SUSD1: variants seen among roughly 807,000 people sequenced by gnomAD.
SUSD1 encodes the protein sushi domain containing 1, also known as sushi domain-containing protein 1.
A neutral mutation model predicts 86.9 loss-of-function variants in SUSD1; 65 were observed. The ratio of observed to expected loss-of-function variants is 0.75; its 90% CI spans 0.61 to 0.92. SUSD1 has a LOEUF of 0.92. Ranked by LOEUF, SUSD1 falls within the 40% of genes least tolerant of loss-of-function variation. SUSD1 has a pLI of 0.00. For synonymous variants in SUSD1, 346 were observed against 350.0 expected, an observed-to-expected ratio of 0.99 and a Z score of 0.13; for missense variants, 850 against 929.7, an observed-to-expected ratio of 0.91 and a Z score of 1.11.
At chr9:112,170,757 T>A (rs1385082101) in intron 1 of SUSD1, among the ~76,000 whole-genome samples, 2 of 149,966 alleles carry the variant, frequency 1.3e-5, no homozygotes, top group African/African-American at 5.0e-5. Flanking sequence ...TCACCTAGGC[T>A]GGAGTGCAGT....
At chr9:112,167,218 T>A (rs1237626326) in intron 1 of SUSD1, among the ~76,000 whole-genome samples, 2 of 152,030 alleles carry the variant, frequency 1.3e-5, no homozygotes, top group African/African-American at 4.8e-5. Flanking sequence ...CACCTCAGCC[T>A]CCCAAGTAGC....
At chr9:112,163,414 A>G (rs995607168) in intron 1 of SUSD1, among the ~76,000 whole-genome samples, 10 of 150,348 alleles carry the variant, frequency 6.7e-5, no homozygotes, top group African/African-American at 2.5e-4. Context: ...TAATCCTCCT[A>G]CCTCAGCCTA....
chr9:112,114,686 T>C (rs906592504), intron 6 of SUSD1, among the ~76,000 whole-genome samples: 1 of 152,114 alleles, frequency 6.6e-6, no homozygotes, highest in Non-Finnish European at 1.5e-5. Context: ...CTGGATGGGT[T>C]TTGACAACAT....
rs1589769388 is a variant in SUSD1, at chr9:112,175,295, G to A, written c.-60C>T. On this transcript the variant is annotated 5_prime_UTR_variant, in exon 1 of 17. Transcript: ENST00000374270. The surrounding 1 kb of genome is among the most constrained non-coding windows in gnomAD (Gnocchi z 4.7). ...CCTCCCGGGGCCCTCAGGGTGCAGA[G>A]ATAAGGCTACAGGCGCCGCGGGGAG... 2 of 1,116,732 alleles carry A rather than the reference G, an allele frequency of 1.8e-6. No homozygotes were observed. Among genetic ancestry groups the A allele is most frequent in the South Asian group, 4.4e-5 (1 of 22,822 alleles). 69.2% of individuals were successfully genotyped at this position (1,116,732 alleles called of 1,614,324 possible). A position where few individuals can be genotyped will look rare whatever the true frequency, so the allele number is the denominator to read the frequency against.
intron 5 of SUSD1, among the ~76,000 whole-genome samples, chr9:112,138,266 C>CAT (rs144187888): frequency 0.02 from 1,245 of 62,780 alleles, 92 homozygotes; most frequent in African/African-American, 0.08. Flanking sequence ...TGTGTATATA[C>CAT]ATATATATAT....
Position 112,112,800 on chromosome 9 carries a change from T to C in SUSD1, c.955A>G (p.Arg319Gly), listed in dbSNP as rs536597558. The stretch of plus-strand genomic sequence containing the variant: ...TATGAGATCTTGGGGTTTATTCTTC[T>C]TGAGTTTATTTGCCATCTCACACAG... ...DTCVRWQINSRRINPKISYVI... is the reference protein window; with the variant it reads ...DTCVRWQINSGRINPKISYVI... Residue 319 changes from arginine to glycine, a missense_variant, in exon 7 of 17, where the codon AGA becomes GGA. Physicochemically the swap from Arg to Gly is moderately radical, Grantham distance 125 (BLOSUM62 -2). Coordinates refer to ENST00000374270, the MANE Select transcript of SUSD1 (RefSeq NM_022486.5). The C allele has an allele frequency of 1.5e-5, 24 of 1,613,194 alleles. No homozygotes were observed. The highest frequency in any genetic ancestry group is 1.4e-5 in the Non-Finnish European group (17 of 1,179,098).
At chr9:112,046,308 T>C (rs1299898512) in intron 15 of SUSD1, among the ~76,000 whole-genome samples, 1 of 152,224 alleles carries the variant, frequency 6.6e-6, no homozygotes, top group African/African-American at 2.4e-5. Flanking sequence ...CTTTCCATGG[T>C]CTCATGCCAG....
Position 112,072,369 on chromosome 9 carries a change from G to T in SUSD1, c.1753+6169C>A, listed in dbSNP as rs115655240. Among the ~76,000 whole-genome samples the T allele has an allele frequency of 4.0e-3, 602 of 151,784 alleles. 7 individuals carry two copies. The highest frequency in any genetic ancestry group is 0.014 in the African/African-American group (590 of 41,402). On this transcript the variant is annotated intron_variant, in intron 12 of 16. Transcript: ENST00000374270. ...TCACCATGTTGGCCAGGCTGGTCTCGAACTCACCCACCTCAGCTTCCAAAA... is the reference window on the plus strand; with the variant it reads ...TCACCATGTTGGCCAGGCTGGTCTCTAACTCACCCACCTCAGCTTCCAAAA...
chr9:112,105,300 A>C (rs191645949), intron 8 of SUSD1, among the ~76,000 whole-genome samples: 1 of 152,216 alleles, frequency 6.6e-6, no homozygotes, highest in African/African-American at 2.4e-5. Context: ...GTGGACGAAC[A>C]AGCAATTCCA....
chr9:112,041,731 G>A, intron 16 of SUSD1, 136 bp downstream of exon 16: 2 of 802,362 alleles, frequency 2.5e-6, no homozygotes. Context: ...TTTCACCGCT[G>A]AGTGTGCTCT....
chr9:112,147,631 T>A (rs1339871946), intron 3 of SUSD1, among the ~76,000 whole-genome samples: 1 of 152,014 alleles, frequency 6.6e-6, no homozygotes, highest in African/African-American at 2.4e-5. Flanking sequence ...TAGCCAGTCG[T>A]GGCAGTGCGC....
chr9:112,115,639 T>A (rs1324022146), intron 6 of SUSD1, among the ~76,000 whole-genome samples: 1 of 151,504 alleles, frequency 6.6e-6, no homozygotes, highest in East Asian at 1.9e-4. Context: ...AAACCGCATC[T>A]CTACTAAAAA....
intron 1 of SUSD1, among the ~76,000 whole-genome samples, chr9:112,170,856 C>T (rs1834017524): frequency 6.6e-6 from 1 of 151,894 alleles, no homozygotes; most frequent in African/African-American, 2.4e-5. Flanking sequence ...ATTACAAGCG[C>T]CCACCACCAG....
At chr9:112,164,897 T>C (rs1196562869) in intron 1 of SUSD1, among the ~76,000 whole-genome samples, 3 of 152,118 alleles carry the variant, frequency 2.0e-5, no homozygotes, top group Non-Finnish European at 4.4e-5. Context: ...TGAGCCGAGA[T>C]TGCACCACTG....
chr9:112,129,119 G>A (rs1831906610), intron 5 of SUSD1, among the ~76,000 whole-genome samples: 1 of 152,128 alleles, frequency 6.6e-6, no homozygotes, highest in South Asian at 2.1e-4. Flanking sequence ...GAGATGATAG[G>A]GTCTTGGATG....
intron 6 of SUSD1, among the ~76,000 whole-genome samples, chr9:112,115,824 G>GAAAAAAAAAAAAAA (rs58111856): frequency 1.7e-5 from 2 of 120,950 alleles, no homozygotes; most frequent in Non-Finnish European, 3.2e-5. Flanking sequence ...AAAAAAAAAA[G>GAAAAAAAAAAAAAA]AAAAAAAAAA....
At position 112,175,143 on chromosome 9, in the gene SUSD1, C is replaced by A. The variant is rs1834222770; in HGVS notation, c.93G>T (p.Pro31=). Residue 31 remains proline, a synonymous_variant, in exon 1 of 17, where the codon CCG becomes CCT. Coordinates refer to ENST00000374270, the MANE Select transcript of SUSD1 (RefSeq NM_022486.5). The surrounding 1 kb of genome is among the most constrained non-coding windows in gnomAD (Gnocchi z 4.7). ...CCAGCCCGCACTCACCGTCGGGGCC[C>A]GGCGCTCCCGCGGCGCCGCGGGCCA... is the stretch of plus-strand genomic sequence containing the variant. The part of the protein sequence containing the change: ...LGLARGAAGA[P]GPDGLDVCAT... 14 of 1,062,930 alleles carry A rather than the reference C, an allele frequency of 1.3e-5. No homozygotes were observed. Among genetic ancestry groups the A allele is most frequent in the Non-Finnish European group, 1.6e-5 (14 of 883,048 alleles). The allele number at this position is 1,062,930 out of a possible 1,614,324, so 65.8% of individuals were successfully genotyped here. A position where few individuals can be genotyped will look rare whatever the true frequency, so the allele number is the denominator to read the frequency against.
chr9:112,115,814 A>AAAG (rs1831291929), intron 6 of SUSD1, among the ~76,000 whole-genome samples: 1 of 19,260 alleles, frequency 5.2e-5, no homozygotes, highest in Non-Finnish European at 9.3e-5. Flanking sequence ...ATTGCAAAAA[A>AAAG]AAAAAAAAAG....
intron 14 of SUSD1, among the ~76,000 whole-genome samples, chr9:112,054,485 G>T (rs541905879): frequency 3.9e-5 from 6 of 152,120 alleles, no homozygotes; most frequent in African/African-American, 1.4e-4. Context: ...TACTTGAGAG[G>T]CTGAGGCAGG....
Sources: gnomAD v4.1 joint callset for allele counts (sites outside exome capture counted in the v4.1 genomes callset) on GRCh38, gnomAD v4.1.1 for gene constraint, Gnocchi (gnomAD v3.1) non-coding constraint, MANE v1.5 for transcripts, NCBI Gene and HGNC (gene_info 2026-07-23, HGNC 2026-07-21) for gene names.